Variants in ZNF578 observed in about 807,000 individuals in gnomAD.
The protein encoded by ZNF578 is zinc finger protein 578.
A neutral mutation model predicts 8.3 loss-of-function variants in ZNF578; 8 were observed. The ratio of observed to expected loss-of-function variants is 0.96; its 90% CI spans 0.56 to 1.74. The LOEUF (loss-of-function observed/expected upper bound fraction) is 1.74, where lower values mean the gene tolerates loss of function less well. Among genes scored for constraint, ZNF578 ranks in the 40% most tolerant of loss-of-function variants. The pLI, the probability that ZNF578 is intolerant of heterozygous loss-of-function variation, is 0.00. For synonymous variants in ZNF578, 206 were observed against 232.2 expected (o/e 0.89, Z 1.03); for missense variants, 726 against 707.5 (o/e 1.03, Z -0.30).
intron 2 of ZNF578, among the ~76,000 whole-genome samples, chr19:52,471,569 TGGGTAC>T (rs1324929709): frequency 6.6e-6 from 1 of 152,162 alleles, no homozygotes; most frequent in Non-Finnish European, 1.5e-5. Flanking sequence ...AAACCACAAG[TGGGTAC>T]TCCAACCCCA....
At chr19:52,508,964 C>G (rs570633817) in intron 5 of ZNF578, among the ~76,000 whole-genome samples, 1 of 135,678 alleles carries the variant, frequency 7.4e-6, no homozygotes, top group Non-Finnish European at 1.5e-5. Flanking sequence ...TGCAATGGCA[C>G]GATCTCGGCT....
chr19:52,510,012 A>G (rs1179783759), intron 5 of ZNF578, among the ~76,000 whole-genome samples: 1 of 151,930 alleles, frequency 6.6e-6, no homozygotes, highest in African/African-American at 2.4e-5. Flanking sequence ...CTCCTGAGTA[A>G]CTGTGACTAC....
Position 52,502,198 on chromosome 19 carries a change from G to A in ZNF578, c.63+290G>A, listed in dbSNP as rs1354154020. ...ATGGATTAACATGGGGTGTGGGCCC[G>A]TTGATGTCATTGCTGCTGGGCAGCC... On this transcript the variant is annotated intron_variant, in intron 4 of 5. Transcript: ENST00000421239. Among the ~76,000 whole-genome samples the A allele has an allele frequency of 3.9e-5, 6 of 152,284 alleles. No individual in the cohort carries two copies. The South Asian group carries it at 8.3e-4, about 21-fold the overall frequency.
chr19:52,485,390 T>C (rs761281153), intron 2 of ZNF578, among the ~76,000 whole-genome samples: 17 of 152,134 alleles, frequency 1.1e-4, no homozygotes, highest in Non-Finnish European at 2.4e-4. Context: ...GGATTCTTAT[T>C]CTGATGGGAT....
At chr19:52,493,905 G>A (rs1268875288) in intron 3 of ZNF578, among the ~76,000 whole-genome samples, 2 of 151,832 alleles carry the variant, frequency 1.3e-5, no homozygotes, top group African/African-American at 4.8e-5. Context: ...CTGGAGAATC[G>A]CTTGAACCTG....
At chr19:52,499,785 A>G (rs951691906) in intron 3 of ZNF578, among the ~76,000 whole-genome samples, 2 of 150,668 alleles carry the variant, frequency 1.3e-5, no homozygotes, top group African/African-American at 4.9e-5. Context: ...TCCTGGGATC[A>G]AGGGATTCTC....
Position 52,462,322 on chromosome 19 carries a change from A to G in ZNF578, c.-122+5364A>G, listed in dbSNP as rs142769030. On this transcript the variant is annotated intron_variant, in intron 2 of 5. Transcript: ENST00000421239. ...TTTTAGGCAACCGATAGCTGGCCCT[A>G]TGTAAAGAGGGGGGACTGATAACCC... 3.3e-4 allele frequency among the ~76,000 whole-genome samples: 51 copies of G among 152,288 alleles called. 1 individual carries two copies. In the South Asian group the frequency reaches 5.8e-3, roughly 17 times the overall value.
intron 2 of ZNF578, among the ~76,000 whole-genome samples, chr19:52,490,414 A>C (rs2059361430): frequency 6.6e-6 from 1 of 152,158 alleles, no homozygotes; most frequent in Non-Finnish European, 1.5e-5. Flanking sequence ...TTCTTGAGAG[A>C]GAATTGTTTA....
At position 52,513,002 on chromosome 19, in the gene ZNF578, G is replaced by A. The variant is rs1599921789; in HGVS notation, c.*848G>A. Among the ~76,000 whole-genome samples the A allele has an allele frequency of 6.6e-6, 1 of 152,098 alleles. No individual in the cohort carries two copies. Among genetic ancestry groups the A allele is most frequent in the African/African-American group, 2.4e-5 (1 of 41,482 alleles). ...TGAAACAAGCATGGCCAAGAGATGT[G>A]AGCCAGTTTTCCCAGCCTGTTTATT... is the stretch of plus-strand genomic sequence containing the variant. On this transcript the variant is annotated 3_prime_UTR_variant, in exon 6 of 6. Transcript: ENST00000421239.
At chr19:52,469,381 A>T (rs2059285246) in intron 2 of ZNF578, among the ~76,000 whole-genome samples, 1 of 152,110 alleles carries the variant, frequency 6.6e-6, no homozygotes, top group South Asian at 2.1e-4. Flanking sequence ...GCTGATCTCG[A>T]ACTCCCGAGC....
At chr19:52,492,157 CAAAAAAAAAAAAAAAAAAAA>C (rs869249180) in intron 3 of ZNF578, among the ~76,000 whole-genome samples, 5 of 67,658 alleles carry the variant, frequency 7.4e-5, no homozygotes, top group African/African-American at 1.5e-4. Flanking sequence ...GATTCTGTCT[CAAAAAAAAAAAAAAAAAAAA>C]AAAAAAAAAA....
Position 52,482,702 on chromosome 19 carries a change from C to T in ZNF578, c.-121-8622C>T, listed in dbSNP as rs2059331038. On this transcript the variant is annotated intron_variant, in intron 2 of 5. Coordinates refer to ENST00000421239, the MANE Select transcript of ZNF578 (RefSeq NM_001099694.2). The stretch of plus-strand genomic sequence containing the variant: ...GTGGCTCATGCCTGTAATCCCAGCA[C>T]TTAGGGAGCAAATCACTGAAGGTCA... Among the ~76,000 whole-genome samples the T allele has an allele frequency of 2.6e-5, 4 of 151,938 alleles. No homozygotes were observed. In the South Asian group the frequency reaches 8.3e-4, roughly 32 times the overall value.
At chr19:52,461,127 G>A (rs1024386694) in intron 2 of ZNF578, among the ~76,000 whole-genome samples, 2 of 152,164 alleles carry the variant, frequency 1.3e-5, no homozygotes, top group African/African-American at 4.8e-5. Context: ...AGTGAAATGC[G>A]CCTGAGATGC....
chr19:52,471,819 A>G (rs1169760529), intron 2 of ZNF578, among the ~76,000 whole-genome samples: 1 of 152,218 alleles, frequency 6.6e-6, no homozygotes, highest in African/African-American at 2.4e-5. Flanking sequence ...AAATTACCAA[A>G]AAAAAGGTAT....
intron 3 of ZNF578, among the ~76,000 whole-genome samples, chr19:52,497,488 T>C (rs1415607800): frequency 6.6e-6 from 1 of 152,240 alleles, no homozygotes; most frequent in Non-Finnish European, 1.5e-5. Context: ...CCCAAAGTGC[T>C]GGGATTATAG....
chr19:52,492,142 A>T (rs1449027792), intron 3 of ZNF578, among the ~76,000 whole-genome samples: 1 of 126,102 alleles, frequency 7.9e-6, no homozygotes, highest in African/African-American at 3.0e-5. Context: ...TGGGCGACAG[A>T]GAGAGATTCT....
intron 2 of ZNF578, among the ~76,000 whole-genome samples, chr19:52,486,802 T>C (rs543865875): frequency 6.7e-6 from 1 of 149,968 alleles, no homozygotes; most frequent in Admixed American, 6.6e-5. Context: ...TAGACAGAGA[T>C]TGAGGATGAT....
chr19:52,502,153 G>T (rs561846204), intron 4 of ZNF578, among the ~76,000 whole-genome samples: 5 of 152,120 alleles, frequency 3.3e-5, no homozygotes, highest in Non-Finnish European at 7.4e-5. Flanking sequence ...CATGGTCCTG[G>T]GAAGGGCTCA....
At chr19:52,509,591 A>AC (rs1195659647) in intron 5 of ZNF578, among the ~76,000 whole-genome samples, 1 of 151,724 alleles carries the variant, frequency 6.6e-6, no homozygotes, top group Non-Finnish European at 1.5e-5. Flanking sequence ...ACATGGTGAA[A>AC]CCCGGTCTCT....
Sources: gnomAD v4.1 joint callset for allele counts (sites outside exome capture counted in the v4.1 genomes callset) on GRCh38, gnomAD v4.1.1 for gene constraint, MANE v1.5 for transcripts, NCBI Gene and HGNC (gene_info 2026-07-23, HGNC 2026-07-21) for gene names.